CEMIP: variants seen among roughly 807,000 people sequenced by gnomAD.
CEMIP encodes the protein cell migration inducing hyaluronidase 1, also known as cell migration-inducing and hyaluronan-binding protein.
A neutral mutation model predicts 156.9 loss-of-function variants in CEMIP; 105 were observed. The ratio of observed to expected loss-of-function variants is 0.67; its 90% confidence interval spans 0.57 to 0.79. The LOEUF is 0.79. Ranked by LOEUF, CEMIP falls within the 30% of genes least tolerant of loss-of-function variation. The pLI is 0.00. For missense variants in CEMIP, 1,457 were observed against 1,769.4 expected, an observed-to-expected ratio of 0.82 and a Z score of 3.17; for synonymous variants, 676 against 668.4, an observed-to-expected ratio of 1.01 and a Z score of -0.17.
chr15:80,901,718 A>AT (rs1899565465), intron 12 of CEMIP, among the ~76,000 whole-genome samples: 1 of 149,588 alleles, frequency 6.7e-6, no homozygotes, highest in South Asian at 2.1e-4. Flanking sequence ...AAAAAAAAAA[A>AT]TTGATTCCTC....
intron 1 of CEMIP, among the ~76,000 whole-genome samples, chr15:80,794,533 G>T (rs1675662714): frequency 2.6e-5 from 4 of 152,156 alleles, no homozygotes; most frequent in Non-Finnish European, 2.9e-5. Flanking sequence ...AGTTTAAAAA[G>T]AAACAGGTAA....
chr15:80,904,025 T>G (rs141474929), intron 12 of CEMIP, among the ~76,000 whole-genome samples: 8 of 152,312 alleles, frequency 5.3e-5, no homozygotes, highest in Admixed American at 4.6e-4. Context: ...TCTGCAGAGT[T>G]AACTCATTTC....
chr15:80,873,791 C>A, intron 2 of CEMIP, 73 bp from the exon 3 acceptor site: 1 of 1,063,250 alleles, frequency 9.4e-7, no homozygotes, highest in Non-Finnish European at 1.4e-6. Flanking sequence ...CTCTGTTTAT[C>A]TCCATGTCGG....
At position 80,924,650 on chromosome 15, in the gene CEMIP, A is replaced by C; in HGVS notation, c.2232A>C (p.Lys744Asn). Reference protein sequence around the residue: ...RAGMIIDNGVKTTEASAKDKR... With the variant: ...RAGMIIDNGVNTTEASAKDKR... ...GCATGATCATAGACAACGGAGTCAA[A>C]ACCACCGAGGCCTCTGCCAAGGACA... The change falls in exon 18 of 30, where the codon AAA (lysine) becomes AAC (asparagine). Residue 744 changes from lysine (K) to asparagine (N), a missense_variant. Lys to Asn is a moderately conservative substitution (Grantham distance 94). Coordinates refer to ENST00000394685, the MANE Select transcript of CEMIP (RefSeq NM_001293298.2). The C allele has an allele frequency of 6.2e-7, 1 of 1,614,022 alleles. No homozygotes were observed. The highest frequency in any genetic ancestry group is 8.5e-7 in the Non-Finnish European group (1 of 1,180,004).
At chr15:80,798,696 G>A (rs768881386) in intron 1 of CEMIP, among the ~76,000 whole-genome samples, 1 of 152,044 alleles carries the variant, frequency 6.6e-6, no homozygotes, top group Admixed American at 6.5e-5. Flanking sequence ...TATTGATGGG[G>A]TATTCATATT....
intron 1 of CEMIP, among the ~76,000 whole-genome samples, chr15:80,853,490 G>C (rs947541191): frequency 6.6e-6 from 1 of 152,196 alleles, no homozygotes; most frequent in Non-Finnish European, 1.5e-5. Flanking sequence ...AGATCACAGA[G>C]AGGGCTCTGG....
chr15:80,915,520 A>G (rs140785432), intron 14 of CEMIP, among the ~76,000 whole-genome samples: 71 of 152,286 alleles, frequency 4.7e-4, no homozygotes, highest in African/African-American at 1.7e-3. Flanking sequence ...GATTTCCACA[A>G]AAGTTTCATT....
Position 80,931,996 on chromosome 15 carries a change from G to A in CEMIP, c.2750G>A (p.Cys917Tyr). ...CGCCTGAATAATGCCTGGCAGAGCT[G>A]CCCCCATAACAACGTGACCGGCATT... ...AFRLNNAWQS[C>Y]PHNNVTGIAF... The change falls in exon 22 of 30, where the codon TGC (cysteine) becomes TAC (tyrosine). Residue 917 changes from cysteine (C) to tyrosine (Y), a missense_variant. This residue lies in a region of CEMIP where 798 missense variants were observed against 980.1 expected (regional missense o/e 0.81). Transcript: ENST00000394685. 1.2e-6 allele frequency: 2 copies of A among 1,614,130 alleles called. No individual in the cohort carries two copies. The highest frequency in any genetic ancestry group is 1.7e-6 in the Non-Finnish European group (2 of 1,180,036).
intron 12 of CEMIP, among the ~76,000 whole-genome samples, chr15:80,900,096 G>C (rs1899410224): frequency 6.6e-6 from 1 of 152,204 alleles, no homozygotes; most frequent in African/African-American, 2.4e-5. Flanking sequence ...GCACCCCAGG[G>C]TGGGTCACCC....
At chr15:80,887,119 T>C (rs1354005191) in intron 7 of CEMIP, among the ~76,000 whole-genome samples, 3 of 152,184 alleles carry the variant, frequency 2.0e-5, no homozygotes, top group Non-Finnish European at 4.4e-5. Flanking sequence ...CGTGCTTTCA[T>C]GGAGGAATGA....
chr15:80,861,204 T>C (rs1014156248), intron 1 of CEMIP, among the ~76,000 whole-genome samples: 2 of 152,094 alleles, frequency 1.3e-5, no homozygotes, highest in African/African-American at 2.4e-5. Flanking sequence ...ATTGATTAAT[T>C]AAATTCCAGC....
In CEMIP at chr15:80,830,822, G is replaced by T. The variant is rs191011856; in HGVS notation, c.-175-42716G>T. On this transcript the variant is annotated intron_variant, in intron 1 of 29. Coordinates refer to ENST00000394685, the MANE Select transcript of CEMIP (RefSeq NM_001293298.2). Reference sequence around the variant, plus strand: ...ATGACCTGGTTCAAGCTGTGGTTCTGCTACCTGCTTGTTGTATGACTAGGC... The same window carrying T: ...ATGACCTGGTTCAAGCTGTGGTTCTTCTACCTGCTTGTTGTATGACTAGGC... Among the ~76,000 whole-genome samples the T allele has an allele frequency of 3.3e-5, 5 of 152,192 alleles. No homozygotes were observed. In the East Asian group the frequency reaches 9.7e-4, roughly 29 times the overall value.
chr15:80,829,652 T>C (rs146598805), intron 1 of CEMIP, among the ~76,000 whole-genome samples: 1 of 152,316 alleles, frequency 6.6e-6, no homozygotes, highest in Non-Finnish European at 1.5e-5. Context: ...ACTGCTCTTA[T>C]CAATTAACTA....
At chr15:80,938,917 G>A (rs1287845375) in intron 25 of CEMIP, among the ~76,000 whole-genome samples, 2 of 152,194 alleles carry the variant, frequency 1.3e-5, no homozygotes, top group Non-Finnish European at 2.9e-5. Flanking sequence ...TTCTTATATG[G>A]AAGTCAATGA....
intron 1 of CEMIP, among the ~76,000 whole-genome samples, chr15:80,818,364 C>T (rs1192121079): frequency 6.6e-6 from 1 of 152,180 alleles, no homozygotes; most frequent in Non-Finnish European, 1.5e-5. Flanking sequence ...CAAACCAAGT[C>T]ACATGGCCAT....
chr15:80,871,941 A>G (rs1898307234), intron 1 of CEMIP, among the ~76,000 whole-genome samples: 1 of 152,170 alleles, frequency 6.6e-6, no homozygotes, highest in Non-Finnish European at 1.5e-5. Context: ...TTCTCGGCAG[A>G]GCAGGCTTGG....
Position 80,909,261 on chromosome 15 carries a change from T to A in CEMIP, c.1752T>A (p.His584Gln). Residue 584 changes from histidine (H) to glutamine (Q), a missense_variant, in exon 14 of 30, where the codon CAT becomes CAA. His to Gln is a conservative substitution (Grantham distance 24). This residue lies in a region of CEMIP where 53 missense variants were observed against 104.5 expected (regional missense o/e 0.51). Transcript: ENST00000394685. ...ACATCAGGGACCTCTCCATCCATCA[T>A]ACATTCTCTCGCTGCGTCACAGTCC... ...PTYIRDLSIHHTFSRCVTVHG... is the reference protein window; with the variant it reads ...PTYIRDLSIHQTFSRCVTVHG... 3.7e-6 allele frequency: 6 copies of A among 1,614,100 alleles called. No homozygotes were observed. The highest frequency in any genetic ancestry group is 5.1e-6 in the Non-Finnish European group (6 of 1,180,020).
rs189854767 is a variant in CEMIP, at chr15:80,824,767, C to A, written c.-176+45153C>A. On this transcript the variant is annotated intron_variant, in intron 1 of 29. Coordinates refer to ENST00000394685, the MANE Select transcript of CEMIP (RefSeq NM_001293298.2). ...TTACTAAATAGGAAAGGCTCATTGT[C>A]TCTTGTCTTTGATTCTTCCCACCTC... Among the ~76,000 whole-genome samples the A allele has an allele frequency of 1.4e-3, 209 of 152,300 alleles. 1 individual carries two copies. The highest frequency in any genetic ancestry group is 2.3e-3 in the Non-Finnish European group (156 of 68,024).
chr15:80,943,242 A>C, intron 28 of CEMIP, 140 bp downstream of exon 28: 4 of 932,820 alleles, frequency 4.3e-6, no homozygotes, highest in Non-Finnish European at 7.0e-6. Flanking sequence ...CCCACAAATC[A>C]TGGGTGTTGG....
Sources: allele counts gnomAD v4.1 joint callset (sites outside exome capture counted in the v4.1 genomes callset), GRCh38; gene constraint gnomAD v4.1.1; regional missense constraint gnomAD v4.1.1; transcripts MANE v1.5; gene names NCBI Gene and HGNC (gene_info 2026-07-23, HGNC 2026-07-21).